The following AATK variants were observed in gnomAD, a reference collection of about 807,000 sequenced individuals.
AATK encodes lemur tail kinase 1.
AATK carries 91 observed loss-of-function variants against 114.3 expected under a neutral mutation model. That is an observed-to-expected ratio of 0.80 (90% CI 0.67 to 0.95). The LOEUF is 0.95. AATK is among the 40% of genes least tolerant of loss of function. The probability of loss-of-function intolerance (pLI) is 0.00; values close to 1 mark genes in which losing one functional copy is unlikely to be tolerated. For missense variants in AATK, 2,176 were observed against 1,965.2 expected (o/e 1.11, Z -2.03); for synonymous variants, 1,075 against 916.5 (o/e 1.17, Z -3.12).
intron 1 of AATK, chr17:81,160,357 G>C: frequency 3.3e-6 from 2 of 608,782 alleles, no homozygotes; most frequent in Non-Finnish European, 4.1e-6. Context: ...CCCAGGCCCC[G>C]GTCCCTGCGG....
At chr17:81,150,237 T>C (rs1214713266) in intron 1 of AATK, among the ~76,000 whole-genome samples, 1 of 151,918 alleles carries the variant, frequency 6.6e-6, no homozygotes. Context: ...CTGTTTGCTG[T>C]AAGATGGTTA....
chr17:81,128,349 G>A, intron 4 of AATK, 121 bp downstream of exon 4: 1 of 1,245,122 alleles, frequency 8.0e-7, no homozygotes. Flanking sequence ...GGTCCAGCAG[G>A]GCCCAGAGAC....
chr17:81,135,281 C>T (rs991550288), intron 1 of AATK, among the ~76,000 whole-genome samples: 2 of 152,166 alleles, frequency 1.3e-5, no homozygotes, highest in Non-Finnish European at 2.9e-5. Flanking sequence ...TGAGGAAGCT[C>T]GGTCCATCTG....
chr17:81,153,791 A>C (rs993891062), intron 1 of AATK, among the ~76,000 whole-genome samples: 1 of 152,148 alleles, frequency 6.6e-6, no homozygotes, highest in Non-Finnish European at 1.5e-5. Flanking sequence ...AATTTCAAAA[A>C]GAGCAGTGAC....
chr17:81,141,807 G>A (rs1027855958), intron 1 of AATK, among the ~76,000 whole-genome samples: 1 of 152,248 alleles, frequency 6.6e-6, no homozygotes, highest in Non-Finnish European at 1.5e-5. Context: ...CGCGCTGGGG[G>A]CAGGTCCAGG....
At position 81,162,086 on chromosome 17, in the gene AATK, C is replaced by T. The variant is rs149127383; in HGVS notation, c.55+3852G>A. 3.5e-4 allele frequency among the ~76,000 whole-genome samples: 53 copies of T among 152,116 alleles called. 1 individual carries two copies. In the East Asian group the frequency reaches 8.5e-3, roughly 24 times the overall value. The stretch of plus-strand genomic sequence containing the variant: ...TGGGGCCTCACACCCACCCCCTCCC[C>T]GAGTGCCGACACCCACACCCTCCCC... On this transcript the variant is annotated intron_variant, in intron 1 of 13. Coordinates refer to ENST00000326724, the MANE Select transcript of AATK (RefSeq NM_001080395.3).
At position 81,166,094 on chromosome 17, in the gene AATK, C is replaced by A. The variant is rs2061487646; in HGVS notation, c.-102G>T. ...CATCACCCAGCGGCCGCCGCAGGTGCGGAGCGCGCCGGCCCCCGCGCCCCG... is the reference window on the plus strand; with the variant it reads ...CATCACCCAGCGGCCGCCGCAGGTGAGGAGCGCGCCGGCCCCCGCGCCCCG... On this transcript the variant is annotated 5_prime_UTR_variant, in exon 1 of 14. Coordinates refer to ENST00000326724, the MANE Select transcript of AATK (RefSeq NM_001080395.3). 3.8e-5 allele frequency: 25 copies of A among 662,482 alleles called. No homozygotes were observed. Among genetic ancestry groups the A allele is most frequent in the Non-Finnish European group, 4.7e-5 (25 of 532,086 alleles). The allele number at this position is 662,482 out of a possible 1,614,324, so 41.0% of individuals were successfully genotyped here.
chr17:81,119,688 C>G, intron 12 of AATK, 108 bp from the exon 13 acceptor site: 1 of 796,118 alleles, frequency 1.3e-6, no homozygotes, highest in Non-Finnish European at 1.7e-6. Flanking sequence ...GTCACGGGCC[C>G]AGGCCCCGCC....
chr17:81,138,735 GCA>G lies in AATK; in HGVS notation c.56-4236_56-4235del, dbSNP rs371634539. Among the ~76,000 whole-genome samples the G allele has an allele frequency of 3.2e-3, 457 of 142,856 alleles. 1 individual carries two copies. Among genetic ancestry groups the G allele is most frequent in the Middle Eastern group, 4.8e-3 (1 of 210 alleles). The allele number at this position is 142,856 out of a possible 152,430, so 93.7% of individuals were successfully genotyped here. A position where few individuals can be genotyped will look rare whatever the true frequency, so the allele number is the denominator to read the frequency against. On this transcript the variant is annotated intron_variant, in intron 1 of 13. Transcript: ENST00000326724. ...CACACGCGCAAACCCACACATGCGC[GCA>G]CACAGATACCAACACGCGCATGCAC... is the stretch of plus-strand genomic sequence containing the variant.
rs767272422 is a variant in AATK at position 81,121,214 on chromosome 17, T to TGTCCAGGGA, written c.2713_2721dup (p.Ser905_Asp907dup). 3.3e-4 allele frequency: 530 copies of TGTCCAGGGA among 1,605,568 alleles called. No homozygotes were observed. Among genetic ancestry groups the TGTCCAGGGA allele is most frequent in the Middle Eastern group, 1.3e-3 (8 of 6,052 alleles). On this transcript the variant is annotated inframe_insertion, in exon 11 of 14. Transcript: ENST00000326724. The stretch of plus-strand genomic sequence containing the variant: ...CCACCATCACTGGCTGAGGACGGGA[T>TGTCCAGGGA]GTCCAGGGAGTCCAGGGAGTCGGGG...
At position 81,123,333 on chromosome 17, in the gene AATK, C is replaced by T. The variant is rs368368311; in HGVS notation, c.973G>A (p.Val325Met). The change falls in exon 10 of 14, where the codon GTG becomes ATG. Residue 325 changes from valine (V) to methionine (M), a missense_variant. Coordinates refer to ENST00000326724, the MANE Select transcript of AATK (RefSeq NM_001080395.3). Reference sequence around the variant, plus strand: ...AGCTCAAAGAGCTCCCAGATGGTCACGCCCAGGGACCTGTGGGGCGACAGC... The same window carrying T: ...AGCTCAAAGAGCTCCCAGATGGTCATGCCCAGGGACCTGTGGGGCGACAGC... ...TKSGNVWSLG[V>M]TIWELFELGT... 11 of 1,374,250 alleles carry T rather than the reference C, an allele frequency of 8.0e-6. No homozygotes were observed. The highest frequency in any genetic ancestry group is 1.5e-5 in the African/African-American group (1 of 65,450). 85.1% of individuals were successfully genotyped at this position (1,374,250 alleles called of 1,614,324 possible).
At chr17:81,125,038 G>GGCAGGGTGA (rs56393392) in intron 7 of AATK, 24 bp from the exon 8 acceptor site, 201 of 1,368,994 alleles carry the variant, frequency 1.5e-4, no homozygotes, top group African/African-American at 4.1e-4. Flanking sequence ...CAGGGGCAGG[G>GGCAGGGTGA]GCAGGGTGAG....
intron 1 of AATK, among the ~76,000 whole-genome samples, chr17:81,137,553 G>GC (rs2061030621): frequency 6.6e-6 from 1 of 152,128 alleles, no homozygotes; most frequent in African/African-American, 2.4e-5. Context: ...TGCTACCTGG[G>GC]CCCCGCTGGC....
At chr17:81,148,552 C>T (rs1177187776) in intron 1 of AATK, among the ~76,000 whole-genome samples, 1 of 152,266 alleles carries the variant, frequency 6.6e-6, no homozygotes, top group Non-Finnish European at 1.5e-5. Flanking sequence ...TGAAGCCACA[C>T]ATGGCTCCGG....
chr17:81,124,235 C>A (rs2060755789), intron 9 of AATK, among the ~76,000 whole-genome samples: 1 of 151,812 alleles, frequency 6.6e-6, no homozygotes, highest in African/African-American at 2.4e-5. Flanking sequence ...GGACCACTCC[C>A]CTGGCGGCTC....
At chr17:81,140,214 G>A (rs1043199292) in intron 1 of AATK, among the ~76,000 whole-genome samples, 12 of 152,150 alleles carry the variant, frequency 7.9e-5, no homozygotes, top group South Asian at 4.1e-4. Flanking sequence ...TTCCTGCTGC[G>A]TCTCCTGGTG....
chr17:81,125,097 G>A, intron 7 of AATK, 83 bp from the exon 8 acceptor site: 2 of 930,286 alleles, frequency 2.1e-6, no homozygotes, highest in South Asian at 1.6e-5. Context: ...GGTCAGTGGG[G>A]TGTGCCGGGC....
Position 81,119,427 on chromosome 17 carries a change from C to A in AATK, c.4037G>T (p.Arg1346Leu). Residue 1346 changes from arginine (R) to leucine (L), a missense_variant, in exon 13 of 14, where the codon CGC becomes CTC. Around this residue, in one of 4 missense-constraint regions of AATK, gnomAD observed 1,701 missense variants for 1,394.7 expected, o/e 1.22. Transcript: ENST00000326724. ...RFTVSPAPTS[R>L]FSITHVSDSD... ...GTCAGACACGTGCGTGATGGAGAAGCGGGACGTGGGCGCGGGCGACACCGT... is the reference window on the plus strand; with the variant it reads ...GTCAGACACGTGCGTGATGGAGAAGAGGGACGTGGGCGCGGGCGACACCGT... The A allele has an allele frequency of 6.5e-7, 1 of 1,532,364 alleles. No homozygotes were observed. The highest frequency in any genetic ancestry group is 8.7e-7 in the Non-Finnish European group (1 of 1,146,624). 94.9% of individuals were successfully genotyped at this position (1,532,364 alleles called of 1,614,324 possible).
At chr17:81,133,340 C>T (rs748010507) in intron 2 of AATK, 3 of 384,512 alleles carry the variant, frequency 7.8e-6, no homozygotes, top group East Asian at 7.6e-5. Flanking sequence ...GCCCATTCTG[C>T]GTCATGACAT....
Sources: allele counts gnomAD v4.1 joint callset (sites outside exome capture counted in the v4.1 genomes callset), GRCh38; gene constraint gnomAD v4.1.1; regional missense constraint gnomAD v4.1.1; transcripts MANE v1.5; gene names NCBI Gene and HGNC (gene_info 2026-07-23, HGNC 2026-07-21).